Variants in DDAH1 observed in about 807,000 individuals in gnomAD.
DDAH1 encodes N(G),N(G)-dimethylarginine dimethylaminohydrolase 1.
DDAH1 carries 19 observed loss-of-function variants against 28.8 expected under a neutral mutation model. The observed-to-expected ratio is 0.66, with a 90% CI of 0.46 to 0.97. DDAH1 has a LOEUF of 0.97. Ranked by LOEUF, DDAH1 falls within the 50% of genes least tolerant of loss-of-function variation. The pLI is 0.00. For synonymous variants in DDAH1, 153 were observed against 154.4 expected (o/e 0.99, Z 0.07); for missense variants, 326 against 375.9 (o/e 0.87, Z 1.10).
intron 1 of DDAH1, among the ~76,000 whole-genome samples, chr1:85,505,325 C>T (rs1452597965): frequency 6.6e-6 from 1 of 151,916 alleles, no homozygotes; most frequent in Non-Finnish European, 1.5e-5. Flanking sequence ...GAGTAGGCCA[C>T]ACCTAACAAA....
intron 1 of DDAH1, among the ~76,000 whole-genome samples, chr1:85,382,011 G>A (rs75653250): frequency 0.017 from 2,596 of 152,212 alleles, 72 homozygotes; most frequent in East Asian, 0.12. Context: ...TCCTACCATG[G>A]CCTCCAAGTG....
chr1:85,405,693 A>C (rs762780983), intron 1 of DDAH1, among the ~76,000 whole-genome samples: 2 of 152,140 alleles, frequency 1.3e-5, no homozygotes, highest in Non-Finnish European at 2.9e-5. Context: ...ATGTTGGAAT[A>C]CAAGTCTTGA....
In DDAH1 at chr1:85,363,638, C is replaced by T. The variant is rs116579849; in HGVS notation, c.304-4791G>A. 9.3e-4 allele frequency among the ~76,000 whole-genome samples: 142 copies of T among 152,298 alleles called. 1 individual carries two copies. The highest frequency in any genetic ancestry group is 3.4e-3 in the Middle Eastern group (1 of 294). On this transcript the variant is annotated intron_variant, in intron 1 of 5. Coordinates refer to ENST00000284031, the MANE Select transcript of DDAH1 (RefSeq NM_012137.4). ...AATGCTGAGGAAGCTGTTCAAGAAG[C>T]TGTCTTGGCACATCAAGGCACAGAT... is the stretch of plus-strand genomic sequence containing the variant.
intron 1 of DDAH1, among the ~76,000 whole-genome samples, chr1:85,415,672 A>C (rs1652859288): frequency 6.6e-6 from 1 of 152,184 alleles, no homozygotes; most frequent in African/African-American, 2.4e-5. Flanking sequence ...ACACTATATT[A>C]TTTGGGGGGA....
intron 4 of DDAH1, among the ~76,000 whole-genome samples, chr1:85,337,417 G>A (rs1648202882): frequency 6.6e-6 from 1 of 151,502 alleles, no homozygotes; most frequent in Non-Finnish European, 1.5e-5. Context: ...ATTTAAAACT[G>A]TAATTTTATT....
intron 1 of DDAH1, among the ~76,000 whole-genome samples, chr1:85,526,351 C>G (rs1657872791): frequency 6.6e-6 from 1 of 152,186 alleles, no homozygotes; most frequent in African/African-American, 2.4e-5. Flanking sequence ...TGATGTACCC[C>G]TGGGTTCTGA....
At chr1:85,346,124 T>C (rs948806144) in intron 4 of DDAH1, among the ~76,000 whole-genome samples, 1 of 152,156 alleles carries the variant, frequency 6.6e-6, no homozygotes, top group Non-Finnish European at 1.5e-5. Flanking sequence ...CAGCTTTACC[T>C]AAACATGTAA....
intron 4 of DDAH1, among the ~76,000 whole-genome samples, chr1:85,331,140 T>C (rs968352402): frequency 5.9e-5 from 9 of 152,202 alleles, no homozygotes; most frequent in African/African-American, 1.4e-4. Context: ...GCATGGCAAG[T>C]TGCATTAACA....
chr1:85,396,791 T>G (rs143606253), intron 1 of DDAH1, among the ~76,000 whole-genome samples: 1 of 152,218 alleles, frequency 6.6e-6, no homozygotes, highest in East Asian at 1.9e-4. Flanking sequence ...TTCCTGCACT[T>G]TGGGAGGCTG....
intron 1 of DDAH1, among the ~76,000 whole-genome samples, chr1:85,572,854 G>A (rs1005488963): frequency 6.6e-6 from 1 of 152,240 alleles, no homozygotes; most frequent in Non-Finnish European, 1.5e-5. Flanking sequence ...AAGCCCATTT[G>A]AGTGGTTTTT....
At chr1:85,532,965 T>TTTTTTG (rs1244114475) in intron 1 of DDAH1, among the ~76,000 whole-genome samples, 1 of 152,210 alleles carries the variant, frequency 6.6e-6, no homozygotes, top group Non-Finnish European at 1.5e-5. Context: ...AAAAGGAAGT[T>TTTTTTG]TTTTTGGAAG....
chr1:85,493,485 G>A (rs1490241861), intron 2 of DDAH1: 1 of 151,916 alleles, frequency 6.6e-6, no homozygotes, highest in Non-Finnish European at 1.5e-5. Context: ...AAAACCCAAG[G>A]GCAGTGTAGA....
At chr1:85,346,150 G>A (rs1229090370) in intron 4 of DDAH1, among the ~76,000 whole-genome samples, 1 of 152,052 alleles carries the variant, frequency 6.6e-6, no homozygotes, top group Non-Finnish European at 1.5e-5. Context: ...AGATTCTGAA[G>A]GAACCAAGTA....
Position 85,441,720 on chromosome 1 carries a change from A to G in DDAH1, c.303+23023T>C, listed in dbSNP as rs551342782. 4.0e-4 allele frequency among the ~76,000 whole-genome samples: 61 copies of G among 152,312 alleles called. 1 individual carries two copies. Among genetic ancestry groups the G allele is most frequent in the Admixed American group, 1.4e-3 (21 of 15,298 alleles). Reference sequence around the variant, plus strand: ...TGACAGCTATCAGCAAGTGACTACTATGTGCTAGGCACTACACCAATGTTT... The same window carrying G: ...TGACAGCTATCAGCAAGTGACTACTGTGTGCTAGGCACTACACCAATGTTT... On this transcript the variant is annotated intron_variant, in intron 1 of 5. Coordinates refer to ENST00000284031, the MANE Select transcript of DDAH1 (RefSeq NM_012137.4).
At chr1:85,423,170 G>A (rs913924506) in intron 1 of DDAH1, among the ~76,000 whole-genome samples, 5 of 152,062 alleles carry the variant, frequency 3.3e-5, no homozygotes, top group African/African-American at 9.7e-5. Context: ...ACTGATTACC[G>A]TGACTTTATA....
chr1:85,381,719 G>GTT (rs35392469), intron 1 of DDAH1, among the ~76,000 whole-genome samples: 8 of 147,984 alleles, frequency 5.4e-5, no homozygotes, highest in African/African-American at 2.5e-5. Context: ...TGCAGATACT[G>GTT]TTTTTTTTTT....
chr1:85,382,807 T>C (rs1424478511), intron 1 of DDAH1, among the ~76,000 whole-genome samples: 4 of 152,202 alleles, frequency 2.6e-5, no homozygotes, highest in Non-Finnish European at 4.4e-5. Context: ...TAATGCTAAA[T>C]TGACTCTGAC....
intron 1 of DDAH1, among the ~76,000 whole-genome samples, chr1:85,512,797 T>C (rs201885207): frequency 6.6e-6 from 1 of 152,170 alleles, no homozygotes; most frequent in African/African-American, 2.4e-5. Context: ...TTACAAGGGA[T>C]GTGAAGGACC....
chr1:85,424,402 T>C (rs1393657777), intron 1 of DDAH1, among the ~76,000 whole-genome samples: 1 of 152,126 alleles, frequency 6.6e-6, no homozygotes, highest in Non-Finnish European at 1.5e-5. Flanking sequence ...AATGTGAGAC[T>C]AACATACAGA....
Sources: gnomAD v4.1 joint callset for allele counts (sites outside exome capture counted in the v4.1 genomes callset) on GRCh38, gnomAD v4.1.1 for gene constraint, MANE v1.5 for transcripts, NCBI Gene and HGNC (gene_info 2026-07-23, HGNC 2026-07-21) for gene names.